The following TOP1 variants were observed in gnomAD, a reference collection of about 807,000 sequenced individuals.
The protein encoded by TOP1 is DNA topoisomerase I.
A neutral mutation model predicts 111.1 loss-of-function variants in TOP1; 10 were observed. The observed-to-expected ratio is 0.09, with a 90% confidence interval of 0.06 to 0.15. The LOEUF (loss-of-function observed/expected upper bound fraction) is 0.15. Among genes scored for constraint, TOP1 ranks in the 10% least tolerant of loss-of-function variants. The pLI, the probability that TOP1 is intolerant of heterozygous loss-of-function variation, is 1.00. For missense variants in TOP1, 474 were observed against 926.7 expected (o/e 0.51, Z 6.34); for synonymous variants, 271 against 302.9 (o/e 0.89, Z 1.10).
chr20:41,089,020 C>CTTTTTTTTTTTTT (rs59200685), intron 8 of TOP1, among the ~76,000 whole-genome samples: 1,682 of 77,870 alleles, frequency 0.022, 245 homozygotes, highest in Non-Finnish European at 0.029. Context: ...TGCCCCAGTT[C>CTTTTTTTTTTTTT]TTTTTTTTTT....
chr20:41,064,010 C>G (rs2033577434), intron 3 of TOP1, among the ~76,000 whole-genome samples: 1 of 151,806 alleles, frequency 6.6e-6, no homozygotes, highest in Non-Finnish European at 1.5e-5. Context: ...ATGGTATTGC[C>G]TAGGTTGTCG....
intron 8 of TOP1, among the ~76,000 whole-genome samples, chr20:41,088,410 C>G (rs532499703): frequency 3.9e-5 from 6 of 152,188 alleles, no homozygotes; most frequent in Admixed American, 3.9e-4. Context: ...GGCTGAGGCG[C>G]GAGAATGGTG....
Position 41,116,421 on chromosome 20 carries a change from A to G in TOP1, c.1822+29A>G, listed in dbSNP as rs1455159599. ...AGTATTGCTTGGCCAGATAGGGCCC[A>G]CACCCCTACTAATGGTATCCGGTGA... On this transcript the variant is annotated intron_variant, in intron 17 of 20. Coordinates refer to ENST00000361337, the MANE Select transcript of TOP1 (RefSeq NM_003286.4). This position sits in a 1 kb window ranked among gnomAD's most constrained non-coding sequence, Gnocchi z 5.6. 1 of 1,546,054 alleles carries G rather than the reference A, an allele frequency of 6.5e-7. No individual in the cohort carries two copies. The highest frequency in any genetic ancestry group is 1.4e-5 in the African/African-American group (1 of 73,544).
At position 41,098,019 on chromosome 20, in the gene TOP1, T is replaced by C. The variant is rs914946822; in HGVS notation, c.853-196T>C. Among the ~76,000 whole-genome samples the C allele has an allele frequency of 2.6e-5, 4 of 152,236 alleles. No homozygotes were observed. Among genetic ancestry groups the C allele is most frequent in the African/African-American group, 7.2e-5 (3 of 41,460 alleles). ...TAAGTCATTTTAAAACATTTTAATA[T>C]TAGTAAGTACATATTTTATAATAAA... On this transcript the variant is annotated intron_variant, in intron 10 of 20. Transcript: ENST00000361337. The surrounding 1 kb of genome is among the most constrained non-coding windows in gnomAD (Gnocchi z 5.7).
Position 41,097,627 on chromosome 20 carries a change from A to G in TOP1, c.852+286A>G, listed in dbSNP as rs2034000472. On this transcript the variant is annotated intron_variant, in intron 10 of 20. Coordinates refer to ENST00000361337, the MANE Select transcript of TOP1 (RefSeq NM_003286.4). The surrounding 1 kb of genome is among the most constrained non-coding windows in gnomAD (Gnocchi z 4.2). ...CCTCAACTCCAGTTGCGCACAGGAA[A>G]GTTTGTCGCTGCAGGACTGCCCCGT... 6.6e-6 allele frequency among the ~76,000 whole-genome samples: 1 copy of G among 152,184 alleles called. No individual in the cohort carries two copies. The highest frequency in any genetic ancestry group is 1.9e-4 in the East Asian group (1 of 5,200).
At position 41,092,403 on chromosome 20, in the gene TOP1, T is replaced by C. The variant is rs1015403876; in HGVS notation, c.615-69T>C. The stretch of plus-strand genomic sequence containing the variant: ...CAGTTGAGCGGATAATTATTTGGCA[T>C]TTAATCAGTGATGATCCCCATGTTA... On this transcript the variant is annotated intron_variant, in intron 8 of 20. Transcript: ENST00000361337. The surrounding 1 kb of genome is among the most constrained non-coding windows in gnomAD (Gnocchi z 4.3). 14 of 710,554 alleles carry C rather than the reference T, an allele frequency of 2.0e-5. No individual in the cohort carries two copies. In the African/African-American group the frequency reaches 2.2e-4, roughly 11 times the overall value. The allele number at this position is 710,554 out of a possible 1,614,324, so 44.0% of individuals were successfully genotyped here.
rs745948657 is a variant in TOP1 at position 41,112,820 on chromosome 20, G to A, written c.1347G>A (p.Arg449=). 3.0e-5 allele frequency: 49 copies of A among 1,614,210 alleles called. No homozygotes were observed. The highest frequency in any genetic ancestry group is 4.1e-5 in the Non-Finnish European group (48 of 1,180,038). The change falls in exon 14 of 21, where the codon CGG becomes CGA. Residue 449 remains arginine, a synonymous_variant. Transcript: ENST00000361337. This position sits in a 1 kb window ranked among gnomAD's most constrained non-coding sequence, Gnocchi z 5.8. ...GGCAGAAATACGAGACTGCTCGGCG[G>A]CTGAAAAAATGTGTGGACAAGATCC... is the stretch of plus-strand genomic sequence containing the variant. The part of the protein sequence containing the change: ...KDWQKYETAR[R]LKKCVDKIRN...
chr20:41,096,738 A>G (rs1374332702), intron 9 of TOP1, among the ~76,000 whole-genome samples: 1 of 152,098 alleles, frequency 6.6e-6, no homozygotes, highest in African/African-American at 2.4e-5. Flanking sequence ...CACCCACCTA[A>G]CTTTGAAGAA....
chr20:41,049,931 G>T (rs1166826773), intron 2 of TOP1, among the ~76,000 whole-genome samples: 4 of 152,126 alleles, frequency 2.6e-5, no homozygotes, highest in Non-Finnish European at 5.9e-5. Context: ...AAAAATTCTT[G>T]TTTATATGCA....
rs1600588235 is a variant in TOP1, at chr20:41,098,587, A to C, written c.975+250A>C. 5.3e-6 allele frequency: 2 copies of C among 378,518 alleles called. No homozygotes were observed. Among genetic ancestry groups the C allele is most frequent in the Non-Finnish European group, 9.6e-6 (2 of 208,672 alleles). The allele number at this position is 378,518 out of a possible 1,614,324, so 23.4% of individuals were successfully genotyped here. On this transcript the variant is annotated intron_variant, in intron 11 of 20. Transcript: ENST00000361337. The surrounding 1 kb of genome is among the most constrained non-coding windows in gnomAD (Gnocchi z 5.7). ...TCAGTGACCTAAAAACCAGTCAGTAACTCCAGCCAATAATATAGTAATTAA... is the reference window on the plus strand; with the variant it reads ...TCAGTGACCTAAAAACCAGTCAGTACCTCCAGCCAATAATATAGTAATTAA...
At position 41,110,107 on chromosome 20, in the gene TOP1, C is replaced by T. The variant is rs888280494; in HGVS notation, c.1309-2675C>T. Among the ~76,000 whole-genome samples, 5 of 151,970 alleles carry T rather than the reference C, an allele frequency of 3.3e-5. No individual in the cohort carries two copies. In the East Asian group the frequency reaches 5.8e-4, roughly 18 times the overall value. The stretch of plus-strand genomic sequence containing the variant: ...TTCGAGACCAGCCTGGCCAACATGG[C>T]GAAACACCGTCTCTACAAAAAAATA... On this transcript the variant is annotated intron_variant, in intron 13 of 20. Transcript: ENST00000361337. This position sits in a 1 kb window ranked among gnomAD's most constrained non-coding sequence, Gnocchi z 4.2.
chr20:41,113,522 G>A (rs914801702), intron 14 of TOP1, among the ~76,000 whole-genome samples: 4 of 152,116 alleles, frequency 2.6e-5, no homozygotes, highest in African/African-American at 9.7e-5. Context: ...AGGCCATGCT[G>A]ACTGATGCTG....
chr20:41,055,467 T>C (rs1278463649), intron 2 of TOP1, among the ~76,000 whole-genome samples: 1 of 152,204 alleles, frequency 6.6e-6, no homozygotes, highest in Non-Finnish European at 1.5e-5. Flanking sequence ...GTGCCCTTAT[T>C]GGCTTTACTT....
rs1339925849 is a variant in TOP1 at position 41,109,210 on chromosome 20, G to A, written c.1309-3572G>A. 6.6e-6 allele frequency among the ~76,000 whole-genome samples: 1 copy of A among 152,132 alleles called. No individual in the cohort carries two copies. Among genetic ancestry groups the A allele is most frequent in the African/African-American group, 2.4e-5 (1 of 41,406 alleles). On this transcript the variant is annotated intron_variant, in intron 13 of 20. Transcript: ENST00000361337. This position sits in a 1 kb window ranked among gnomAD's most constrained non-coding sequence, Gnocchi z 4.1. ...AGTATCTTTACAATATTCATCTTGGGAAGCTCTCATTTTGGTGAGTTCTAT... is the reference window on the plus strand; with the variant it reads ...AGTATCTTTACAATATTCATCTTGGAAAGCTCTCATTTTGGTGAGTTCTAT...
Position 41,030,103 on chromosome 20 carries a change from T to A in TOP1, c.58+648T>A, listed in dbSNP as rs2033099386. On this transcript the variant is annotated intron_variant, in intron 2 of 20. Transcript: ENST00000361337. This position sits in a 1 kb window ranked among gnomAD's most constrained non-coding sequence, Gnocchi z 4.1. Reference sequence around the variant, plus strand: ...AAGCCACGCTTTGTGGAGTTCTTTATATTTCCAGGTTGTTTTTCCCAAGTT... The same window carrying A: ...AAGCCACGCTTTGTGGAGTTCTTTAAATTTCCAGGTTGTTTTTCCCAAGTT... Among the ~76,000 whole-genome samples the A allele has an allele frequency of 6.6e-6, 1 of 152,234 alleles. No individual in the cohort carries two copies. The highest frequency in any genetic ancestry group is 6.5e-5 in the Admixed American group (1 of 15,288).
chr20:41,031,692 G>A (rs919262928), intron 2 of TOP1, among the ~76,000 whole-genome samples: 8 of 152,236 alleles, frequency 5.3e-5, no homozygotes, highest in Non-Finnish European at 1.5e-5. Context: ...TGAGGAAACT[G>A]AGGCTTCAGT....
rs934141448 is a variant in TOP1, at chr20:41,118,109, T to A, written c.1823-60T>A. The A allele has an allele frequency of 9.5e-6, 15 of 1,575,624 alleles. No homozygotes were observed. In the African/African-American group the frequency reaches 1.9e-4, roughly 20 times the overall value. Reference sequence around the variant, plus strand: ...GACGAGGCACTGGGGGAAGACATACTGTGTGTTCACTTTTGGTGTACAAAC... The same window carrying A: ...GACGAGGCACTGGGGGAAGACATACAGTGTGTTCACTTTTGGTGTACAAAC... On this transcript the variant is annotated intron_variant, in intron 17 of 20. Transcript: ENST00000361337. The surrounding 1 kb of genome is among the most constrained non-coding windows in gnomAD (Gnocchi z 4.6).
At position 41,095,293 on chromosome 20, in the gene TOP1, T is replaced by C. The variant is rs2145947727; in HGVS notation, c.731-1927T>C. On this transcript the variant is annotated intron_variant, in intron 9 of 20. Coordinates refer to ENST00000361337, the MANE Select transcript of TOP1 (RefSeq NM_003286.4). The surrounding 1 kb of genome is among the most constrained non-coding windows in gnomAD (Gnocchi z 4.6). Reference sequence around the variant, plus strand: ...GGAACTCCTGACCTGAAGTGATCCTTGCACCGCCTCCTAAAGTGCTGGGAT... The same window carrying C: ...GGAACTCCTGACCTGAAGTGATCCTCGCACCGCCTCCTAAAGTGCTGGGAT... Among the ~76,000 whole-genome samples the C allele has an allele frequency of 6.6e-6, 1 of 152,330 alleles. No individual in the cohort carries two copies. Among genetic ancestry groups the C allele is most frequent in the African/African-American group, 2.4e-5 (1 of 41,580 alleles).
intron 8 of TOP1, among the ~76,000 whole-genome samples, chr20:41,085,727 T>C (rs2033840293): frequency 6.6e-6 from 1 of 152,220 alleles, no homozygotes; most frequent in Non-Finnish European, 1.5e-5. Context: ...CAAACCTGTT[T>C]ATGTGCCTTT....
Sources: gnomAD v4.1 joint callset for allele counts (sites outside exome capture counted in the v4.1 genomes callset) on GRCh38, gnomAD v4.1.1 for gene constraint, Gnocchi (gnomAD v3.1) non-coding constraint, MANE v1.5 for transcripts, NCBI Gene and HGNC (gene_info 2026-07-23, HGNC 2026-07-21) for gene names.